Variants in ZNF804A observed in about 807,000 individuals in gnomAD.
ZNF804A encodes the protein zinc finger protein 804A.
In ZNF804A, 2 loss-of-function variants were observed where a neutral mutation model predicts 16.5. The ratio of observed to expected loss-of-function variants is 0.12; its 90% CI spans 0.05 to 0.38. The LOEUF is 0.38. ZNF804A is among the 10% of genes least tolerant of loss of function. ZNF804A has a pLI of 0.99. For synonymous variants in ZNF804A, 534 were observed against 489.6 expected (o/e 1.09, Z -1.20); for missense variants, 1,473 against 1,390.7 (o/e 1.06, Z -0.94).
rs74432599 is a variant in ZNF804A, at chr2:184,710,926, C to G, written c.111+111856C>G. Among the ~76,000 whole-genome samples, 979 of 151,804 alleles carry G rather than the reference C, an allele frequency of 6.4e-3. 10 individuals carry two copies. Among genetic ancestry groups the G allele is most frequent in the East Asian group, 0.034 (175 of 5,166 alleles). ...TATCCATTGATGGACATTTAGGTTGCTTTCATATCTTGACTTTTGTCAATA... is the reference window on the plus strand; with the variant it reads ...TATCCATTGATGGACATTTAGGTTGGTTTCATATCTTGACTTTTGTCAATA... On this transcript the variant is annotated intron_variant, in intron 1 of 3. Transcript: ENST00000302277.
chr2:184,637,150 C>T (rs1691713074), intron 1 of ZNF804A, among the ~76,000 whole-genome samples: 1 of 152,070 alleles, frequency 6.6e-6, no homozygotes, highest in African/African-American at 2.4e-5. Context: ...TTAAAAACCT[C>T]TTTTTAGAAT....
intron 1 of ZNF804A, among the ~76,000 whole-genome samples, chr2:184,852,229 T>TCTC (rs1695615721): frequency 1.5e-5 from 2 of 134,666 alleles, no homozygotes; most frequent in African/African-American, 5.6e-5. Context: ...TGCGGTCTCT[T>TCTC]TCTCTCTCTC....
intron 1 of ZNF804A, among the ~76,000 whole-genome samples, chr2:184,682,525 C>T (rs1574160636): frequency 6.6e-6 from 1 of 151,760 alleles, no homozygotes; most frequent in Non-Finnish European, 1.5e-5. Flanking sequence ...AGATGTCTTT[C>T]GAGACGCAGA....
intron 1 of ZNF804A, among the ~76,000 whole-genome samples, chr2:184,667,025 G>A (rs991768407): frequency 2.0e-5 from 3 of 151,928 alleles, no homozygotes; most frequent in Non-Finnish European, 4.4e-5. Context: ...TGAGGGTATA[G>A]AAAGGCAAAT....
At chr2:184,710,314 G>A (rs1360540458) in intron 1 of ZNF804A, among the ~76,000 whole-genome samples, 1 of 151,390 alleles carries the variant, frequency 6.6e-6, no homozygotes, top group Non-Finnish European at 1.5e-5. Flanking sequence ...TTTTCCTACT[G>A]TTGTGAGCCC....
In ZNF804A at chr2:184,624,291, A is replaced by C. The variant is rs531825791; in HGVS notation, c.111+25221A>C. Among the ~76,000 whole-genome samples the C allele has an allele frequency of 4.6e-5, 7 of 152,332 alleles. No homozygotes were observed. The East Asian group carries it at 7.7e-4, about 17-fold the overall frequency. On this transcript the variant is annotated intron_variant, in intron 1 of 3. Coordinates refer to ENST00000302277, the MANE Select transcript of ZNF804A (RefSeq NM_194250.2). ...GGTAAATTTTATGCTATATTTTACC[A>C]CAATAAAAAAGCCTAAAAATACTAT...
At chr2:184,621,543 T>A (rs1402435627) in intron 1 of ZNF804A, among the ~76,000 whole-genome samples, 1 of 151,726 alleles carries the variant, frequency 6.6e-6, no homozygotes, top group East Asian at 1.9e-4. Flanking sequence ...ATTCATTTAT[T>A]TCTATATTTC....
At chr2:184,815,952 A>T (rs1418448438) in intron 1 of ZNF804A, among the ~76,000 whole-genome samples, 2 of 151,994 alleles carry the variant, frequency 1.3e-5, no homozygotes, top group Non-Finnish European at 2.9e-5. Flanking sequence ...TGATACATAT[A>T]AACACCAAGT....
intron 1 of ZNF804A, among the ~76,000 whole-genome samples, chr2:184,849,886 TA>T (rs1695575722): frequency 6.6e-6 from 1 of 151,982 alleles, no homozygotes; most frequent in Non-Finnish European, 1.5e-5. Flanking sequence ...TTTTCAGCCA[TA>T]AAAGGAAATG....
intron 1 of ZNF804A, among the ~76,000 whole-genome samples, chr2:184,652,515 C>A (rs1692002648): frequency 6.6e-6 from 1 of 151,920 alleles, no homozygotes; most frequent in South Asian, 2.1e-4. Flanking sequence ...TTTACTAATT[C>A]ATTGGATTTT....
chr2:184,866,866 T>C (rs2105811500), intron 2 of ZNF804A, among the ~76,000 whole-genome samples: 1 of 150,560 alleles, frequency 6.6e-6, no homozygotes, highest in African/African-American at 2.4e-5. Flanking sequence ...TGCATTATAT[T>C]ATATATTTAT....
intron 1 of ZNF804A, among the ~76,000 whole-genome samples, chr2:184,718,345 C>A (rs1277229555): frequency 7.9e-5 from 12 of 152,136 alleles, no homozygotes; most frequent in Admixed American, 7.2e-4. Flanking sequence ...CAAACCATAT[C>A]ATTCCACCTC....
intron 1 of ZNF804A, among the ~76,000 whole-genome samples, chr2:184,808,966 G>T (rs2105785789): frequency 6.6e-6 from 1 of 151,884 alleles, no homozygotes; most frequent in South Asian, 2.1e-4. Flanking sequence ...TGTTTAGGAT[G>T]TTATAAAATA....
At chr2:184,866,562 G>A (rs766183620) in intron 2 of ZNF804A, 50 bp downstream of exon 2, 1 of 1,525,282 alleles carries the variant, frequency 6.6e-7, no homozygotes, top group East Asian at 2.3e-5. Flanking sequence ...TTGTGTAATA[G>A]TTTTAATTGT....
chr2:184,844,098 C>CT (rs892079949), intron 1 of ZNF804A, among the ~76,000 whole-genome samples: 1 of 151,974 alleles, frequency 6.6e-6, no homozygotes, highest in Non-Finnish European at 1.5e-5. Context: ...TTTTACTAAT[C>CT]TAAGTCCACC....
At chr2:184,782,286 G>A (rs1390147902) in intron 1 of ZNF804A, among the ~76,000 whole-genome samples, 3 of 151,590 alleles carry the variant, frequency 2.0e-5, no homozygotes, top group Non-Finnish European at 4.4e-5. Context: ...ATTGAAGGGT[G>A]CAAAGTATTG....
intron 1 of ZNF804A, among the ~76,000 whole-genome samples, chr2:184,792,558 T>C (rs1480919325): frequency 6.6e-6 from 1 of 152,166 alleles, no homozygotes; most frequent in African/African-American, 2.4e-5. Context: ...CTTGAATATA[T>C]TCTCTTGAAT....
At chr2:184,804,397 A>C (rs1483859051) in intron 1 of ZNF804A, among the ~76,000 whole-genome samples, 1 of 152,186 alleles carries the variant, frequency 6.6e-6, no homozygotes, top group East Asian at 1.9e-4. Context: ...TTGTGTCCGG[A>C]TGTATCTGAA....
intron 2 of ZNF804A, among the ~76,000 whole-genome samples, chr2:184,904,404 A>C (rs560929008): frequency 1.6e-4 from 25 of 152,190 alleles, no homozygotes; most frequent in African/African-American, 6.0e-4. Flanking sequence ...AACCATTGTC[A>C]GGTGGCATAA....
Sources: gnomAD v4.1 joint callset for allele counts (sites outside exome capture counted in the v4.1 genomes callset) on GRCh38, gnomAD v4.1.1 for gene constraint, MANE v1.5 for transcripts, NCBI Gene and HGNC (gene_info 2026-07-23, HGNC 2026-07-21) for gene names.